The following COMMD1 variants were observed in gnomAD, a reference collection of about 807,000 sequenced individuals.
The protein encoded by COMMD1 is COMM domain-containing protein 1.
A neutral mutation model predicts 17.2 loss-of-function variants in COMMD1; 10 were observed. The ratio of observed to expected loss-of-function variants is 0.58; its 90% CI spans 0.36 to 0.99. The LOEUF (loss-of-function observed/expected upper bound fraction) is 0.99. Among genes scored for constraint, COMMD1 ranks in the 50% least tolerant of loss-of-function variants. The pLI is 0.01. For synonymous variants in COMMD1, 97 were observed against 91.6 expected, an observed-to-expected ratio of 1.06 and a Z score of -0.34; for missense variants, 270 against 231.8, an observed-to-expected ratio of 1.17 and a Z score of -1.07.
intron 2 of COMMD1, among the ~76,000 whole-genome samples, chr2:62,133,963 AATTTTTT>A (rs769743439): frequency 6.6e-6 from 1 of 151,896 alleles, no homozygotes; most frequent in Non-Finnish European, 1.5e-5. Context: ...GGCTTTTTTA[AATTTTTT>A]ATTTTTTATT....
chr2:62,001,676 G>C (rs1668946165), intron 2 of COMMD1, among the ~76,000 whole-genome samples: 1 of 152,100 alleles, frequency 6.6e-6, no homozygotes, highest in Non-Finnish European at 1.5e-5. Flanking sequence ...CCAGGTCAAT[G>C]AATTAGCTAA....
At chr2:61,929,499 C>T (rs1379122687) in intron 1 of COMMD1, among the ~76,000 whole-genome samples, 1 of 152,180 alleles carries the variant, frequency 6.6e-6, no homozygotes, top group East Asian at 1.9e-4. Flanking sequence ...TAGTTTATTA[C>T]CATTATATCA....
At chr2:62,095,680 G>GT (rs975810553) in intron 2 of COMMD1, among the ~76,000 whole-genome samples, 6 of 150,948 alleles carry the variant, frequency 4.0e-5, no homozygotes, top group Admixed American at 4.0e-4. Context: ...CCTTGCTACT[G>GT]TTAGTGAAAA....
At chr2:62,059,565 G>C (rs1233913757) in intron 2 of COMMD1, among the ~76,000 whole-genome samples, 1 of 151,720 alleles carries the variant, frequency 6.6e-6, no homozygotes, top group Non-Finnish European at 1.5e-5. Flanking sequence ...TAAACATTAC[G>C]CCATAAGAAG....
intron 2 of COMMD1, among the ~76,000 whole-genome samples, chr2:62,031,554 C>G (rs1669907788): frequency 6.6e-6 from 1 of 152,180 alleles, no homozygotes. Context: ...AATGGATTAA[C>G]TCATATCTGG....
At chr2:62,076,369 A>G (rs1361485845) in intron 2 of COMMD1, among the ~76,000 whole-genome samples, 2 of 152,246 alleles carry the variant, frequency 1.3e-5, no homozygotes, top group South Asian at 4.1e-4. Flanking sequence ...AGGGATGCAT[A>G]AAAGAGGATG....
intron 2 of COMMD1, among the ~76,000 whole-genome samples, chr2:62,107,675 A>G (rs1672354421): frequency 6.6e-6 from 1 of 152,220 alleles, no homozygotes; most frequent in Non-Finnish European, 1.5e-5. Flanking sequence ...TTTTGCTTTG[A>G]AAGCCTTGAC....
intron 1 of COMMD1, among the ~76,000 whole-genome samples, chr2:61,942,663 C>A (rs575314363): frequency 6.6e-6 from 1 of 151,724 alleles, no homozygotes; most frequent in South Asian, 2.1e-4. Context: ...CCTCAGCCTC[C>A]CAAGTAGTTG....
intron 1 of COMMD1, among the ~76,000 whole-genome samples, chr2:61,972,344 C>G (rs1671672788): frequency 6.6e-6 from 1 of 152,084 alleles, no homozygotes; most frequent in Non-Finnish European, 1.5e-5. Flanking sequence ...ATCACTTTTG[C>G]TTGTTTTAAT....
At chr2:61,929,013 G>A (rs971478796) in intron 1 of COMMD1, among the ~76,000 whole-genome samples, 13 of 152,230 alleles carry the variant, frequency 8.5e-5, no homozygotes, top group Admixed American at 3.3e-4. Context: ...ATTAGCAAAA[G>A]AGATTTACAT....
intron 1 of COMMD1, among the ~76,000 whole-genome samples, chr2:61,923,235 A>G (rs572905720): frequency 1.6e-4 from 24 of 152,260 alleles, no homozygotes; most frequent in African/African-American, 5.8e-4. Context: ...TGTAGTCATT[A>G]ATTTTCTTCT....
At chr2:62,041,996 T>TGGAAGGTCAA in intron 2 of COMMD1, among the ~76,000 whole-genome samples, 2 of 152,348 alleles carry the variant, frequency 1.3e-5, no homozygotes, top group Admixed American at 1.3e-4. Context: ...TCTGGTGGCC[T>TGGAAGGTCAA]GCTTTTTATT....
At chr2:62,039,654 G>A (rs1199547557) in intron 2 of COMMD1, among the ~76,000 whole-genome samples, 2 of 152,198 alleles carry the variant, frequency 1.3e-5, no homozygotes, top group African/African-American at 4.8e-5. Context: ...GCACAATTCT[G>A]TCTGACGAAG....
intron 1 of COMMD1, among the ~76,000 whole-genome samples, chr2:61,911,701 T>A (rs538465009): frequency 3.3e-5 from 5 of 152,328 alleles, no homozygotes; most frequent in Non-Finnish European, 7.3e-5. Flanking sequence ...TCCTGCCCTC[T>A]ACAGTCTGTC....
chr2:61,988,853 C>T (rs1243798095), intron 1 of COMMD1, among the ~76,000 whole-genome samples: 1 of 152,126 alleles, frequency 6.6e-6, no homozygotes, highest in East Asian at 1.9e-4. Flanking sequence ...GATGAGCAAT[C>T]CCACTTTGGC....
intron 1 of COMMD1, among the ~76,000 whole-genome samples, chr2:61,954,486 C>G (rs1671141906): frequency 6.6e-6 from 1 of 152,030 alleles, no homozygotes; most frequent in Non-Finnish European, 1.5e-5. Flanking sequence ...AACATTCTGT[C>G]TTATTGTGAT....
chr2:62,009,577 C>T (rs2103826583), intron 2 of COMMD1, among the ~76,000 whole-genome samples: 1 of 148,044 alleles, frequency 6.8e-6, no homozygotes, highest in East Asian at 2.0e-4. Context: ...GTACTCCAGC[C>T]TGGGCAACAG....
At chr2:62,056,241 A>C (rs1573125037) in intron 2 of COMMD1, among the ~76,000 whole-genome samples, 1 of 152,340 alleles carries the variant, frequency 6.6e-6, no homozygotes, top group Middle Eastern at 3.4e-3. Flanking sequence ...GGATGTGATT[A>C]AAATTAGCAT....
intron 2 of COMMD1, among the ~76,000 whole-genome samples, chr2:62,001,640 G>A (rs1323964943): frequency 6.6e-6 from 1 of 152,034 alleles, no homozygotes; most frequent in Non-Finnish European, 1.5e-5. Flanking sequence ...GAAAAAAAAA[G>A]AAACTGGTAA....
Sources: gnomAD v4.1 joint callset for allele counts (sites outside exome capture counted in the v4.1 genomes callset) on GRCh38, gnomAD v4.1.1 for gene constraint, MANE v1.5 for transcripts, NCBI Gene and HGNC (gene_info 2026-07-23, HGNC 2026-07-21) for gene names.